ACTR3C: variants seen among roughly 807,000 people sequenced by gnomAD.
The protein encoded by ACTR3C is actin related protein 3C.
Under a neutral mutation model 26.3 loss-of-function variants are expected in ACTR3C, and 18 were observed. That is an observed-to-expected ratio of 0.68 (90% confidence interval 0.47 to 1.01). The LOEUF (loss-of-function observed/expected upper bound fraction) is 1.01, where lower values mean the gene tolerates loss of function less well. Ranked by LOEUF, ACTR3C falls within the 50% of genes least tolerant of loss-of-function variation. The pLI is 0.00. For synonymous variants in ACTR3C, 55 were observed against 94.5 expected (o/e 0.58, Z 2.42); for missense variants, 184 against 250.7 (o/e 0.73, Z 1.80).
chr7:150,059,688 T>C, the ACTR3C span, among the ~76,000 whole-genome samples: 9,928 of 151,926 alleles, frequency 0.065, 970 homozygotes, highest in African/African-American at 0.21. Flanking sequence ...GCACTTTATA[T>C]TTAGGTTGTG....
the ACTR3C span, among the ~76,000 whole-genome samples, chr7:150,080,553 G>A: frequency 6.6e-6 from 1 of 151,952 alleles, no homozygotes; most frequent in Non-Finnish European, 1.5e-5. Context: ...GTGTGTGTGT[G>A]TGTGTGTGTG....
the ACTR3C span, among the ~76,000 whole-genome samples, chr7:150,039,894 G>C: frequency 1.6e-5 from 2 of 127,442 alleles, 1 homozygote; most frequent in East Asian, 5.9e-4. Context: ...TCCCCGTGTC[G>C]TGAGGGGTGC....
At chr7:150,150,908 A>G in the ACTR3C span, among the ~76,000 whole-genome samples, 1 of 137,406 alleles carries the variant, frequency 7.3e-6, no homozygotes, top group Non-Finnish European at 1.6e-5. Flanking sequence ...TTCACTATGT[A>G]TTTTGCCTGA....
chr7:150,139,053 T>A, the ACTR3C span, among the ~76,000 whole-genome samples: 2 of 152,262 alleles, frequency 1.3e-5, no homozygotes, highest in Non-Finnish European at 2.9e-5. Context: ...TATTTCATTA[T>A]ACGTTACAAT....
At chr7:150,086,666 C>G in the ACTR3C span, among the ~76,000 whole-genome samples, 1 of 152,122 alleles carries the variant, frequency 6.6e-6, no homozygotes, top group Non-Finnish European at 1.5e-5. Flanking sequence ...GATGAGAGAG[C>G]CTGGGAGTTG....
the ACTR3C span, among the ~76,000 whole-genome samples, chr7:150,112,570 T>C: frequency 1.4e-3 from 212 of 152,258 alleles, 1 homozygote; most frequent in Admixed American, 5.9e-3. Context: ...CCCTCCTGGC[T>C]GGGAAGTGGA....
intron 6 of ACTR3C, among the ~76,000 whole-genome samples, chr7:150,263,421 T>C (rs901909875): frequency 1.1e-4 from 16 of 151,652 alleles, no homozygotes. Flanking sequence ...GCCTGGAAAA[T>C]AGATCTGGAG....
chr7:149,894,126 T>C, the ACTR3C span, among the ~76,000 whole-genome samples: 5 of 152,212 alleles, frequency 3.3e-5, no homozygotes, highest in African/African-American at 1.2e-4. Context: ...TGAATCCATG[T>C]ATTTACACTC....
rs116174251 is a variant in ACTR3C, at chr7:150,259,923, T to C, written c.565-10869A>G. Among the ~76,000 whole-genome samples, 826 of 152,338 alleles carry C rather than the reference T, an allele frequency of 5.4e-3. 6 individuals are homozygous for C. Among genetic ancestry groups the C allele is most frequent in the African/African-American group, 0.019 (776 of 41,572 alleles). On this transcript the variant is annotated intron_variant, in intron 6 of 7. Coordinates refer to ENST00000683684, the MANE Select transcript of ACTR3C (RefSeq NM_001164458.2). ...AGAATTAGTATGTTCACTTTGCTCA[T>C]GGTTCATCTTCCTCTCCTGGCATGT...
the ACTR3C span, among the ~76,000 whole-genome samples, chr7:150,122,320 G>A: frequency 6.6e-6 from 1 of 151,964 alleles, no homozygotes; most frequent in East Asian, 1.9e-4. Context: ...TGAACAGGGA[G>A]AAAATTTTTG....
intron 1 of ACTR3C, among the ~76,000 whole-genome samples, chr7:150,321,351 T>C (rs1206103932): frequency 3.3e-5 from 5 of 152,228 alleles, no homozygotes; most frequent in Non-Finnish European, 5.9e-5. Flanking sequence ...CATTTCCTAC[T>C]GTAACATGCT....
chr7:149,901,514 A>T, the ACTR3C span, among the ~76,000 whole-genome samples: 2 of 115,484 alleles, frequency 1.7e-5, no homozygotes, highest in Non-Finnish European at 3.7e-5. Flanking sequence ...TTAATCTATA[A>T]TTATTTCAAA....
chr7:150,194,384 T>C, the ACTR3C span, among the ~76,000 whole-genome samples: 34 of 148,960 alleles, frequency 2.3e-4, no homozygotes, highest in African/African-American at 7.1e-4. Context: ...GTCTTGTATA[T>C]GATATTAATA....
the ACTR3C span, among the ~76,000 whole-genome samples, chr7:150,199,749 A>G: frequency 7.8e-5 from 11 of 140,872 alleles, no homozygotes; most frequent in East Asian, 2.0e-3. Context: ...AAAAAAAAAC[A>G]TAGTACTGGA....
At chr7:149,901,963 G>C in the ACTR3C span, among the ~76,000 whole-genome samples, 2 of 122,546 alleles carry the variant, frequency 1.6e-5, no homozygotes, top group African/African-American at 6.2e-5. Flanking sequence ...TTTCCAACAA[G>C]CTCTGCAGTT....
chr7:150,283,732 A>C (rs2129612188), intron 6 of ACTR3C, among the ~76,000 whole-genome samples: 1 of 151,770 alleles, frequency 6.6e-6, no homozygotes, highest in South Asian at 2.1e-4. Context: ...TCCACGGCAC[A>C]GGTGACACAA....
the ACTR3C span, among the ~76,000 whole-genome samples, chr7:150,106,223 T>A: frequency 2.0e-5 from 3 of 151,126 alleles, no homozygotes; most frequent in Admixed American, 6.6e-5. Context: ...CACAGACATA[T>A]AGAAAAGAAC....
chr7:150,230,637 T>C, the ACTR3C span, among the ~76,000 whole-genome samples: 2 of 152,154 alleles, frequency 1.3e-5, no homozygotes, highest in Admixed American at 1.3e-4. Context: ...TGATCTGAGG[T>C]GGAAGAGTTT....
intron 6 of ACTR3C, among the ~76,000 whole-genome samples, chr7:150,252,472 T>TGGTAAGCATTA (rs1327008934): frequency 6.6e-6 from 1 of 151,994 alleles, no homozygotes; most frequent in East Asian, 1.9e-4. Context: ...AGGCTGAAAA[T>TGGTAAGCATTA]GGTAAGCATT....
Sources: allele counts gnomAD v4.1 joint callset (sites outside exome capture counted in the v4.1 genomes callset), GRCh38; gene constraint gnomAD v4.1.1; transcripts MANE v1.5; gene names NCBI Gene and HGNC (gene_info 2026-07-23, HGNC 2026-07-21).